COL13A1: variants seen among roughly 807,000 people sequenced by gnomAD.
COL13A1 encodes collagen alpha-1(XIII) chain.
A neutral mutation model predicts 130.9 loss-of-function variants in COL13A1; 89 were observed. That is an observed-to-expected ratio of 0.68 (90% CI 0.57 to 0.81). The LOEUF (loss-of-function observed/expected upper bound fraction) is 0.81. Among genes scored for constraint, COL13A1 ranks in the 30% least tolerant of loss-of-function variants. The probability of loss-of-function intolerance (pLI) is 0.00; values close to 1 mark genes in which losing one functional copy is unlikely to be tolerated. For synonymous variants in COL13A1, 402 were observed against 341.6 expected (o/e 1.18, Z -1.95); for missense variants, 879 against 934.6 (o/e 0.94, Z 0.78).
intron 38 of COL13A1, among the ~76,000 whole-genome samples, chr10:69,949,967 T>TGTTTGTGTGTGC (rs2069199475): frequency 6.6e-5 from 8 of 122,074 alleles, no homozygotes; most frequent in Admixed American, 4.7e-4. Flanking sequence ...TGTGTGTGCG[T>TGTTTGTGTGTGC]GTGTGTGTGT....
intron 6 of COL13A1, among the ~76,000 whole-genome samples, chr10:69,878,379 G>C (rs533827652): frequency 3.3e-5 from 5 of 152,296 alleles, no homozygotes; most frequent in Non-Finnish European, 5.9e-5. Context: ...TGCCCAGGGG[G>C]ACCCCCGAGG....
Position 69,880,505 on chromosome 10 carries a change from GT to G in COL13A1, c.466del (p.Ser156ProfsTer48). On this transcript the variant is annotated frameshift_variant, in exon 7 of 41. Coordinates refer to ENST00000645393, the MANE Select transcript of COL13A1 (RefSeq NM_001368882.1). LOFTEE classifies it high-confidence loss of function. Reference protein sequence around the residue: ...GVKGQPGEKGSPGDAGLSIIG... With the variant: ...GVKGQPGEKGXPGDAGLSIIG... ...TCCCCCTTCCTCTCTCCCCGCAGGG[GT>G]CCCCCGGAGACGCTGGGCTGTCCAT... is the stretch of plus-strand genomic sequence containing the variant. 1 of 1,609,746 alleles carries G rather than the reference GT, an allele frequency of 6.2e-7. No individual in the cohort carries two copies.
At chr10:69,940,952 T>G (rs2067542070) in intron 34 of COL13A1, 36 bp from the exon 35 acceptor site, 1 of 1,613,748 alleles carries the variant, frequency 6.2e-7, no homozygotes, top group Non-Finnish European at 8.5e-7. Context: ...AATCCTCTCT[T>G]CCCCTTCTTT....
chr10:69,848,080 G>C (rs941792530), intron 2 of COL13A1, among the ~76,000 whole-genome samples: 1 of 152,202 alleles, frequency 6.6e-6, no homozygotes, highest in South Asian at 2.1e-4. Flanking sequence ...CCAGTCATTT[G>C]CTCAAGACCT....
chr10:69,862,811 A>C (rs1037012451), intron 2 of COL13A1, among the ~76,000 whole-genome samples: 1 of 152,194 alleles, frequency 6.6e-6, no homozygotes, highest in Non-Finnish European at 1.5e-5. Flanking sequence ...TCATCTGTAG[A>C]GTGGGAACAA....
intron 1 of COL13A1, among the ~76,000 whole-genome samples, chr10:69,810,363 AGAGAG>A (rs1842684777): frequency 6.9e-6 from 1 of 144,064 alleles, no homozygotes; most frequent in East Asian, 2.1e-4. Context: ...AGAGAGAGAG[AGAGAG>A]AGAGAGAGAG....
chr10:69,957,155 G>A, intron 40 of COL13A1, 113 bp downstream of exon 40: 1 of 888,250 alleles, frequency 1.1e-6, no homozygotes, highest in East Asian at 2.5e-5. Context: ...AGGTCAAATA[G>A]TCACTGTCTC....
chr10:69,831,976 G>C (rs1244453138), intron 2 of COL13A1, among the ~76,000 whole-genome samples: 5 of 152,210 alleles, frequency 3.3e-5, no homozygotes, highest in Non-Finnish European at 7.3e-5. Flanking sequence ...GGAAATGATT[G>C]TTAGTTGCCA....
chr10:69,930,030 GT>G lies in COL13A1; in HGVS notation c.1486-11del, dbSNP rs1565097488. 4.3e-6 allele frequency: 7 copies of G among 1,613,718 alleles called. No homozygotes were observed. In the South Asian group the frequency reaches 7.7e-5, roughly 18 times the overall value. The stretch of plus-strand genomic sequence containing the variant: ...TCTGCCCTGAGAGTCACCTTTAGTT[GT>G]TCCGGTTACAGGGGGAGATTGGACT... On this transcript the variant is annotated splice_polypyrimidine_tract_variant and intron_variant, in intron 28 of 40. Coordinates refer to ENST00000645393, the MANE Select transcript of COL13A1 (RefSeq NM_001368882.1).
intron 17 of COL13A1, among the ~76,000 whole-genome samples, chr10:69,914,505 A>G (rs1309569026): frequency 2.6e-5 from 4 of 152,194 alleles, no homozygotes; most frequent in Admixed American, 1.3e-4. Flanking sequence ...GGTCACCTGC[A>G]CTGCCAGCCC....
chr10:69,858,665 C>G (rs549388877), intron 2 of COL13A1, among the ~76,000 whole-genome samples: 11 of 152,172 alleles, frequency 7.2e-5, no homozygotes, highest in Non-Finnish European at 1.3e-4. Context: ...AGGCAAGAGA[C>G]GAGCATGGTC....
chr10:69,937,888 T>G (rs2067146855), intron 34 of COL13A1, among the ~76,000 whole-genome samples, 173 bp downstream of exon 34: 1 of 152,174 alleles, frequency 6.6e-6, no homozygotes, highest in Admixed American at 6.5e-5. Flanking sequence ...CTTCCTCCTC[T>G]GGGCCCAGGC....
chr10:69,915,535 C>T (rs1476651941), intron 17 of COL13A1, among the ~76,000 whole-genome samples: 1 of 152,218 alleles, frequency 6.6e-6, no homozygotes, highest in Non-Finnish European at 1.5e-5. Context: ...GTGCCGATTA[C>T]AAACGCTAAG....
At chr10:69,928,757 A>AT (rs2135784769) in intron 27 of COL13A1, among the ~76,000 whole-genome samples, 180 bp from the exon 28 acceptor site, 1 of 152,242 alleles carries the variant, frequency 6.6e-6, no homozygotes, top group East Asian at 1.9e-4. Flanking sequence ...CTTGGTGCTT[A>AT]TATGTTTTGC....
In COL13A1 at chr10:69,872,215, G is replaced by C. The variant is rs1295639081; in HGVS notation, c.399+5G>C. ...ACTGGAAGACCCGGACTCCCAGTAAGTCACTTTTGTTTCTTCTTTCCTTTG... is the reference window on the plus strand; with the variant it reads ...ACTGGAAGACCCGGACTCCCAGTAACTCACTTTTGTTTCTTCTTTCCTTTG... On this transcript the variant is annotated splice_donor_5th_base_variant and intron_variant, in intron 4 of 40. Transcript: ENST00000645393. The C allele has an allele frequency of 6.2e-7, 1 of 1,614,034 alleles. No individual in the cohort carries two copies. Among genetic ancestry groups the C allele is most frequent in the Admixed American group, 1.7e-5 (1 of 60,034 alleles).
At chr10:69,841,189 C>G (rs1851514162) in intron 2 of COL13A1, among the ~76,000 whole-genome samples, 1 of 152,112 alleles carries the variant, frequency 6.6e-6, no homozygotes, top group East Asian at 1.9e-4. Context: ...TCATCTCCAC[C>G]TTTGCCTGTT....
At chr10:69,902,687 G>T in intron 14 of COL13A1, 61 bp from the exon 15 acceptor site, 1 of 1,406,672 alleles carries the variant, frequency 7.1e-7, no homozygotes. Flanking sequence ...TGGCCTGAGG[G>T]TGGGGGACGG....
chr10:69,884,501 C>T (rs572214499), intron 7 of COL13A1, among the ~76,000 whole-genome samples: 2 of 152,114 alleles, frequency 1.3e-5, no homozygotes, highest in Non-Finnish European at 2.9e-5. Context: ...CTTTTTCCAA[C>T]AAGAATCTTC....
At chr10:69,848,330 C>T (rs1233014563) in intron 2 of COL13A1, among the ~76,000 whole-genome samples, 4 of 152,250 alleles carry the variant, frequency 2.6e-5, no homozygotes, top group Non-Finnish European at 5.9e-5. Flanking sequence ...AAAGCTGCCA[C>T]TTCCCAAGGA....
Sources: allele counts gnomAD v4.1 joint callset (sites outside exome capture counted in the v4.1 genomes callset), GRCh38; gene constraint gnomAD v4.1.1; transcripts MANE v1.5; gene names NCBI Gene and HGNC (gene_info 2026-07-23, HGNC 2026-07-21).